Variants in RIPK2 observed in about 807,000 individuals in gnomAD.
RIPK2 encodes receptor interacting serine/threonine kinase 2.
A neutral mutation model predicts 60.9 loss-of-function variants in RIPK2; 38 were observed. The ratio of observed to expected loss-of-function variants is 0.62; its 90% CI spans 0.48 to 0.82. The LOEUF (loss-of-function observed/expected upper bound fraction) is 0.82. Among genes scored for constraint, RIPK2 ranks in the 40% least tolerant of loss-of-function variants. The pLI is 0.00. For synonymous variants in RIPK2, 225 were observed against 223.4 expected (o/e 1.01, Z -0.06); for missense variants, 518 against 647.0 (o/e 0.80, Z 2.16).
intron 6 of RIPK2, among the ~76,000 whole-genome samples, chr8:89,775,419 T>TGCAGTGCACTTTGTCA (rs1318207274): frequency 6.6e-6 from 1 of 152,014 alleles, no homozygotes; most frequent in Non-Finnish European, 1.5e-5. Flanking sequence ...CCACTGCACT[T>TGCAGTGCACTTTGTCA]GCACTCCAGC....
At chr8:89,764,678 G>A (rs545531855) in intron 2 of RIPK2, among the ~76,000 whole-genome samples, 1 of 152,042 alleles carries the variant, frequency 6.6e-6, no homozygotes, top group Admixed American at 6.6e-5. Context: ...TGTTTTAAAT[G>A]TGTCTGTTCT....
chr8:89,780,319 T>C, intron 7 of RIPK2, 159 bp downstream of exon 7: 1 of 395,544 alleles, frequency 2.5e-6, no homozygotes, highest in Non-Finnish European at 4.5e-6. Context: ...TGAATACTAC[T>C]TTTCCTTTGT....
intron 7 of RIPK2, among the ~76,000 whole-genome samples, chr8:89,783,719 A>G (rs943565750): frequency 7.2e-5 from 11 of 152,206 alleles, no homozygotes; most frequent in African/African-American, 2.4e-5. Context: ...TTTATTAAGT[A>G]CCTAGTTTAT....
At chr8:89,773,577 G>A (rs865985148) in intron 6 of RIPK2, among the ~76,000 whole-genome samples, 7 of 152,238 alleles carry the variant, frequency 4.6e-5, no homozygotes, top group Middle Eastern at 3.4e-3. Flanking sequence ...ATCTTTTGCA[G>A]GGAAGTGACA....
In RIPK2 at chr8:89,785,344, G is replaced by A. The variant is rs551239250; in HGVS notation, c.1029+1205G>A. 1.2e-4 allele frequency among the ~76,000 whole-genome samples: 18 copies of A among 152,028 alleles called. No individual in the cohort carries two copies. In the South Asian group the frequency reaches 3.1e-3, roughly 26 times the overall value. ...ATAAAAATTAGCTGGGCATGGTGGC[G>A]CATGCCTGTAATCCCAGCTACTCGG... is the stretch of plus-strand genomic sequence containing the variant. On this transcript the variant is annotated intron_variant, in intron 8 of 10. Coordinates refer to ENST00000220751, the MANE Select transcript of RIPK2 (RefSeq NM_003821.6).
At chr8:89,758,329 C>A (rs1227571003) in intron 1 of RIPK2, 96 bp downstream of exon 1, 2 of 1,287,266 alleles carry the variant, frequency 1.6e-6, no homozygotes, top group South Asian at 1.5e-5. Context: ...TGGCAGTGAC[C>A]GCTTGGGGCC....
intron 10 of RIPK2, among the ~76,000 whole-genome samples, 172 bp downstream of exon 10, chr8:89,789,654 A>G (rs1344071459): frequency 6.6e-6 from 1 of 152,212 alleles, no homozygotes; most frequent in Non-Finnish European, 1.5e-5. Flanking sequence ...CATGGCCCAA[A>G]TGGTATTCTA....
At chr8:89,761,095 A>T (rs1359449571) in intron 1 of RIPK2, among the ~76,000 whole-genome samples, 1 of 152,228 alleles carries the variant, frequency 6.6e-6, no homozygotes, top group Non-Finnish European at 1.5e-5. Context: ...GAATTTTAAG[A>T]CATATAAATA....
intron 5 of RIPK2, 88 bp downstream of exon 5, chr8:89,771,878 C>A: frequency 1.1e-6 from 1 of 899,926 alleles, no homozygotes; most frequent in Non-Finnish European, 1.8e-6. Context: ...TATTTTAAAT[C>A]TGCTTATTCA....
chr8:89,786,485 T>A (rs60327583), intron 8 of RIPK2, 108 bp from the exon 9 acceptor site: 13,962 of 700,654 alleles, frequency 0.02, 971 homozygotes, highest in African/African-American at 0.18. Flanking sequence ...AAAAAAAAAA[T>A]TAGTAGTTTT....
At chr8:89,774,784 T>C (rs1237131440) in intron 6 of RIPK2, among the ~76,000 whole-genome samples, 1 of 152,072 alleles carries the variant, frequency 6.6e-6, no homozygotes, top group African/African-American at 2.4e-5. Context: ...AGAGGACCCA[T>C]AGTAAAGCTC....
intron 4 of RIPK2, among the ~76,000 whole-genome samples, chr8:89,771,124 C>A (rs772463398): frequency 5.3e-5 from 8 of 151,718 alleles, no homozygotes; most frequent in Non-Finnish European, 1.2e-4. Context: ...AAATATTATT[C>A]CTTCATTTGG....
chr8:89,785,976 T>C (rs941475202), intron 8 of RIPK2, among the ~76,000 whole-genome samples: 2 of 152,186 alleles, frequency 1.3e-5, no homozygotes, highest in Non-Finnish European at 2.9e-5. Flanking sequence ...AGACCAGACT[T>C]GCAGATACCA....
intron 9 of RIPK2, among the ~76,000 whole-genome samples, chr8:89,786,964 G>A (rs1400409333): frequency 5.3e-5 from 8 of 151,768 alleles, no homozygotes; most frequent in Admixed American, 1.3e-4. Context: ...TCAGGAGTTC[G>A]AGACCAGCCT....
chr8:89,779,310 G>GTTTTTTTTTTTTTTT (rs55784154), intron 6 of RIPK2, among the ~76,000 whole-genome samples: 3 of 79,112 alleles, frequency 3.8e-5, no homozygotes, highest in African/African-American at 5.8e-5. Context: ...CGGTTTTTGG[G>GTTTTTTTTTTTTTTT]TTTTTTTTTT....
In RIPK2 at chr8:89,769,847, G is replaced by A. The variant is rs1165626382; in HGVS notation, c.559G>A (p.Gly187Arg). The A allele has an allele frequency of 6.2e-7, 1 of 1,608,702 alleles. No individual in the cohort carries two copies. The highest frequency in any genetic ancestry group is 1.3e-5 in the African/African-American group (1 of 74,436). ...QSRSSKSAPE[G>R]GTIIYMPPEN... ...ACGAAGTAGCAAATCTGCACCAGAA[G>A]GAGGGACAATTATCTATATGCCACC... The change falls in exon 4 of 11, where the codon GGA becomes AGA. Residue 187 changes from glycine (G) to arginine (R), a missense_variant. Coordinates refer to ENST00000220751, the MANE Select transcript of RIPK2 (RefSeq NM_003821.6).
At chr8:89,770,010 T>C in intron 4 of RIPK2, 81 bp downstream of exon 4, 1 of 1,091,594 alleles carries the variant, frequency 9.2e-7, no homozygotes, top group East Asian at 2.8e-5. Flanking sequence ...AGCTACATTT[T>C]AAACTGTGAT....
intron 6 of RIPK2, among the ~76,000 whole-genome samples, chr8:89,775,372 G>T (rs1456371650): frequency 6.6e-6 from 1 of 152,104 alleles, no homozygotes; most frequent in Admixed American, 6.6e-5. Context: ...GATTGCTTGA[G>T]CCCAAAATGT....
chr8:89,770,254 G>T (rs1255125765), intron 4 of RIPK2, among the ~76,000 whole-genome samples: 3 of 151,496 alleles, frequency 2.0e-5, no homozygotes, highest in Non-Finnish European at 4.4e-5. Context: ...TTAGCTTTAG[G>T]TTTCTCAACC....
Sources: allele counts gnomAD v4.1 joint callset (sites outside exome capture counted in the v4.1 genomes callset), GRCh38; gene constraint gnomAD v4.1.1; transcripts MANE v1.5; gene names NCBI Gene and HGNC (gene_info 2026-07-23, HGNC 2026-07-21).